Variants in TMEM132D observed in about 807,000 individuals in gnomAD.
The protein encoded by TMEM132D is mature OL transmembrane protein.
A neutral mutation model predicts 62.3 loss-of-function variants in TMEM132D; 21 were observed. The observed-to-expected ratio is 0.34, with a 90% confidence interval of 0.24 to 0.49. The LOEUF (loss-of-function observed/expected upper bound fraction) is 0.49. Ranked by LOEUF, TMEM132D falls within the 20% of genes least tolerant of loss-of-function variation. TMEM132D has a pLI of 0.99. For synonymous variants in TMEM132D, 621 were observed against 575.6 expected, an observed-to-expected ratio of 1.08 and a Z score of -1.13; for missense variants, 1,346 against 1,402.8, an observed-to-expected ratio of 0.96 and a Z score of 0.65.
chr12:129,088,042 T>C (rs200563581), intron 5 of TMEM132D, among the ~76,000 whole-genome samples: 577 of 17,736 alleles, frequency 0.033, 45 homozygotes, highest in African/African-American at 0.2. Context: ...GGGTGTCCTC[T>C]ATGACCGGGT....
intron 2 of TMEM132D, among the ~76,000 whole-genome samples, chr12:129,553,203 C>G (rs531741501): frequency 5.9e-5 from 9 of 152,266 alleles, no homozygotes; most frequent in East Asian, 1.9e-4. Context: ...GCTGGTCGCT[C>G]TCACCACTGC....
chr12:129,501,702 T>C (rs116855704), intron 3 of TMEM132D, among the ~76,000 whole-genome samples: 1,903 of 152,042 alleles, frequency 0.013, 16 homozygotes, highest in South Asian at 0.042. Flanking sequence ...GATGGGGTTT[T>C]ACCATGTTGC....
At chr12:129,348,774 C>G (rs1869771120) in intron 3 of TMEM132D, among the ~76,000 whole-genome samples, 1 of 152,158 alleles carries the variant, frequency 6.6e-6, no homozygotes, top group South Asian at 2.1e-4. Context: ...TGCCCAGCAT[C>G]CCAGAGGGAG....
chr12:129,652,951 G>A (rs994675853), intron 2 of TMEM132D, among the ~76,000 whole-genome samples: 2 of 152,182 alleles, frequency 1.3e-5, no homozygotes, highest in African/African-American at 2.4e-5. Flanking sequence ...GGCAGATGAC[G>A]AATGAGAAAA....
At chr12:129,569,370 AAG>A (rs1877450986) in intron 2 of TMEM132D, among the ~76,000 whole-genome samples, 1 of 152,300 alleles carries the variant, frequency 6.6e-6, no homozygotes, top group South Asian at 2.1e-4. Flanking sequence ...AAAAATGGAC[AAG>A]AGTTTTCAGG....
intron 1 of TMEM132D, among the ~76,000 whole-genome samples, chr12:129,810,526 C>T (rs2137315370): frequency 6.8e-6 from 1 of 147,288 alleles, no homozygotes; most frequent in South Asian, 2.2e-4. Flanking sequence ...TAAATTAATT[C>T]ACATATTCAA....
At chr12:129,274,234 C>G (rs537148460) in intron 4 of TMEM132D, among the ~76,000 whole-genome samples, 1 of 150,094 alleles carries the variant, frequency 6.7e-6, no homozygotes, top group Non-Finnish European at 1.5e-5. Flanking sequence ...AACCTGCCAG[C>G]TTTTCAGTGG....
intron 3 of TMEM132D, among the ~76,000 whole-genome samples, chr12:129,432,123 G>GTGGATAGGTGGA (rs1555255417): frequency 2.7e-4 from 39 of 145,310 alleles, no homozygotes; most frequent in Non-Finnish European, 5.6e-4. Flanking sequence ...GGATGGATAG[G>GTGGATAGGTGGA]TGGATGGATG....
At chr12:129,346,851 C>T (rs1026770403) in intron 3 of TMEM132D, among the ~76,000 whole-genome samples, 8 of 152,172 alleles carry the variant, frequency 5.3e-5, no homozygotes, top group African/African-American at 9.7e-5. Context: ...TAGGCAACTT[C>T]GGCAAAGTCT....
At chr12:129,308,410 C>T (rs1451085180) in intron 4 of TMEM132D, among the ~76,000 whole-genome samples, 2 of 152,152 alleles carry the variant, frequency 1.3e-5, no homozygotes, top group Non-Finnish European at 2.9e-5. Flanking sequence ...TGAAAGGAAT[C>T]TAATTTGCAT....
intron 4 of TMEM132D, among the ~76,000 whole-genome samples, chr12:129,237,544 G>T (rs1879818182): frequency 6.6e-6 from 1 of 152,034 alleles, no homozygotes; most frequent in Non-Finnish European, 1.5e-5. Context: ...AAATTTCCCA[G>T]ATTTCTTTCT....
chr12:129,829,772 C>T (rs1872773714), intron 1 of TMEM132D, among the ~76,000 whole-genome samples: 1 of 152,092 alleles, frequency 6.6e-6, no homozygotes, highest in Non-Finnish European at 1.5e-5. Context: ...GTAGGTGATT[C>T]TCCACACTTC....
intron 1 of TMEM132D, among the ~76,000 whole-genome samples, chr12:129,886,965 C>T (rs1874768077): frequency 6.6e-6 from 1 of 152,180 alleles, no homozygotes; most frequent in African/African-American, 2.4e-5. Context: ...TTTCCTGAGG[C>T]CTCCCCAGCC....
At chr12:129,113,970 C>G (rs1402254556) in intron 5 of TMEM132D, among the ~76,000 whole-genome samples, 1 of 152,060 alleles carries the variant, frequency 6.6e-6, no homozygotes, top group Non-Finnish European at 1.5e-5. Context: ...GAGGAGACCT[C>G]TGACCACCAC....
chr12:129,178,915 C>A (rs1877985296), intron 5 of TMEM132D, among the ~76,000 whole-genome samples: 1 of 152,176 alleles, frequency 6.6e-6, no homozygotes, highest in South Asian at 2.1e-4. Context: ...GGTTACAAAG[C>A]ACTTGTGCAG....
At chr12:129,522,934 T>C (rs1436334331) in intron 3 of TMEM132D, among the ~76,000 whole-genome samples, 1 of 132,462 alleles carries the variant, frequency 7.5e-6, no homozygotes, top group Admixed American at 8.7e-5. Flanking sequence ...AGATTAGATA[T>C]ATATGTAGAC....
At chr12:129,080,304 G>C (rs971106003) in intron 7 of TMEM132D, among the ~76,000 whole-genome samples, 8 of 152,142 alleles carry the variant, frequency 5.3e-5, no homozygotes, top group Non-Finnish European at 8.8e-5. Flanking sequence ...GTAAGAGCTT[G>C]CCCCTTTTCC....
Position 129,453,338 on chromosome 12 carries a change from G to T in TMEM132D, c.1115+77721C>A, listed in dbSNP as rs142164194. ...CATGGGCTACTGGCTTTTGCGCAAG[G>T]TGTCTCTTTGCCTGGAATTCCCTCC... On this transcript the variant is annotated intron_variant, in intron 3 of 8. Transcript: ENST00000422113. Among the ~76,000 whole-genome samples, 1,453 of 152,224 alleles carry T rather than the reference G, an allele frequency of 9.5e-3. 15 individuals are homozygous for T. Among genetic ancestry groups the T allele is most frequent in the Non-Finnish European group, 0.015 (1,025 of 68,010 alleles).
chr12:129,460,710 G>A (rs957217972), intron 3 of TMEM132D, among the ~76,000 whole-genome samples: 3 of 152,188 alleles, frequency 2.0e-5, no homozygotes, highest in Non-Finnish European at 2.9e-5. Flanking sequence ...ACCAGGGATG[G>A]ATCTCTGAAG....
Sources: allele counts gnomAD v4.1 joint callset (sites outside exome capture counted in the v4.1 genomes callset), GRCh38; gene constraint gnomAD v4.1.1; transcripts MANE v1.5; gene names NCBI Gene and HGNC (gene_info 2026-07-23, HGNC 2026-07-21).